Variants in LTBP1 observed in about 807,000 individuals in gnomAD.
LTBP1 encodes latent transforming growth factor beta binding protein 1.
LTBP1 carries 129 observed loss-of-function variants against 207.6 expected under a neutral mutation model. The observed-to-expected ratio is 0.62, with a 90% CI of 0.54 to 0.72. LTBP1 has a LOEUF of 0.72. Ranked by LOEUF, LTBP1 falls within the 30% of genes least tolerant of loss-of-function variation. LTBP1 has a pLI of 0.00. For missense variants in LTBP1, 2,281 were observed against 2,217.2 expected (o/e 1.03, Z -0.58); for synonymous variants, 963 against 833.7 (o/e 1.16, Z -2.67).
intron 20 of LTBP1, among the ~76,000 whole-genome samples, chr2:33,296,948 G>A (rs2093888689): frequency 1.3e-5 from 2 of 152,126 alleles, no homozygotes; most frequent in Admixed American, 6.5e-5. Context: ...TAAAGCAGGG[G>A]CAGAGCATGA....
chr2:33,154,091 T>A (rs537434611), intron 5 of LTBP1, among the ~76,000 whole-genome samples: 17 of 152,344 alleles, frequency 1.1e-4, no homozygotes, highest in African/African-American at 4.1e-4. Flanking sequence ...TGCCTGTACC[T>A]TTGTCAAGAA....
intron 7 of LTBP1, among the ~76,000 whole-genome samples, chr2:33,203,759 A>T (rs1248746134): frequency 6.6e-6 from 1 of 152,214 alleles, no homozygotes; most frequent in African/African-American, 2.4e-5. Flanking sequence ...CCTACATAGG[A>T]ATAAGCATTG....
At chr2:33,364,426 G>A in intron 30 of LTBP1, 70 bp downstream of exon 30, 1 of 1,449,288 alleles carries the variant, frequency 6.9e-7, no homozygotes, top group Non-Finnish European at 9.3e-7. Context: ...ACTAAAATGT[G>A]AACTATTGGA....
intron 18 of LTBP1, among the ~76,000 whole-genome samples, chr2:33,278,878 A>C (rs574476641): frequency 6.6e-6 from 1 of 152,338 alleles, no homozygotes; most frequent in South Asian, 2.1e-4. Context: ...ATAGAAAAAA[A>C]ATTACAACAC....
intron 5 of LTBP1, among the ~76,000 whole-genome samples, chr2:33,168,975 G>T (rs910743232): frequency 5.9e-5 from 9 of 152,306 alleles, no homozygotes; most frequent in African/African-American, 2.2e-4. Flanking sequence ...AGAAAATAGA[G>T]GCCTTGGCTG....
At chr2:33,004,522 C>T (rs1004973829) in intron 2 of LTBP1, among the ~76,000 whole-genome samples, 15 of 151,444 alleles carry the variant, frequency 9.9e-5, no homozygotes, top group East Asian at 1.9e-4. Flanking sequence ...TGGTCGGGTG[C>T]GGTGGCTCAC....
Position 33,183,934 on chromosome 2 carries a change from G to A in LTBP1, c.1202-2922G>A, listed in dbSNP as rs540020372. On this transcript the variant is annotated intron_variant, in intron 5 of 33. Coordinates refer to ENST00000404816, the MANE Select transcript of LTBP1 (RefSeq NM_206943.4). ...ATCTGCAGCCTACGCCCTGAAGAAA[G>A]TTTCTGGGTTGTCACCTTTGTAATT... is the stretch of plus-strand genomic sequence containing the variant. 3.3e-5 allele frequency among the ~76,000 whole-genome samples: 5 copies of A among 152,226 alleles called. No homozygotes were observed. In the South Asian group the frequency reaches 1.0e-3, roughly 32 times the overall value.
At chr2:33,072,846 A>G (rs185342796) in intron 3 of LTBP1, among the ~76,000 whole-genome samples, 2 of 152,204 alleles carry the variant, frequency 1.3e-5, no homozygotes, top group Non-Finnish European at 2.9e-5. Context: ...ACTTCAGCCT[A>G]TGTTATTTCC....
At chr2:32,950,175 C>T (rs1676883157) in intron 2 of LTBP1, among the ~76,000 whole-genome samples, 1 of 152,182 alleles carries the variant, frequency 6.6e-6, no homozygotes, top group Non-Finnish European at 1.5e-5. Flanking sequence ...TGTCCAAAAC[C>T]TGCTATGATA....
chr2:33,309,023 CTG>C (rs1438474357), intron 22 of LTBP1, among the ~76,000 whole-genome samples: 1 of 152,076 alleles, frequency 6.6e-6, no homozygotes, highest in East Asian at 1.9e-4. Context: ...TGGCTCATGT[CTG>C]TAATCTCAAC....
chr2:33,273,152 T>C (rs1400624236), intron 15 of LTBP1, among the ~76,000 whole-genome samples: 2 of 152,080 alleles, frequency 1.3e-5, no homozygotes, highest in South Asian at 4.1e-4. Context: ...TGGGAGGTCT[T>C]TGGGGGGATT....
chr2:32,947,643 G>A lies in LTBP1; in HGVS notation c.319G>A (p.Glu107Lys), dbSNP rs1443383736. 6 of 1,386,516 alleles carry A rather than the reference G, an allele frequency of 4.3e-6. No homozygotes were observed. Among genetic ancestry groups the A allele is most frequent in the Non-Finnish European group, 5.6e-6 (6 of 1,069,150 alleles). 85.9% of individuals were successfully genotyped at this position (1,386,516 alleles called of 1,614,324 possible). Residue 107 changes from glutamate to lysine, a missense_variant, in exon 1 of 34, where the codon GAG (glutamate) becomes AAG (lysine). Physicochemically the swap from Glu to Lys is moderately conservative, Grantham distance 56. Coordinates refer to ENST00000404816, the MANE Select transcript of LTBP1 (RefSeq NM_206943.4). ...CAGACCGCCGCCGCCGCCGCCGCCG[G>A]AGCCTGCGCGTCCCGCGGTCCCCGG... ...GLRPPPPPPPEPARPAVPGGQ... is the reference protein window; with the variant it reads ...GLRPPPPPPPKPARPAVPGGQ...
intron 5 of LTBP1, among the ~76,000 whole-genome samples, chr2:33,169,004 G>A (rs930992870): frequency 6.6e-6 from 1 of 152,224 alleles, no homozygotes; most frequent in Admixed American, 6.5e-5. Flanking sequence ...GAGTTAGGGG[G>A]GAGCCATGGG....
chr2:33,311,117 A>G (rs998489046), intron 23 of LTBP1, among the ~76,000 whole-genome samples: 1 of 151,772 alleles, frequency 6.6e-6, no homozygotes, highest in African/African-American at 2.4e-5. Context: ...GATGGTATCT[A>G]CTCTCTAAGA....
At chr2:32,952,382 A>C (rs1252218018) in intron 2 of LTBP1, among the ~76,000 whole-genome samples, 2 of 152,212 alleles carry the variant, frequency 1.3e-5, no homozygotes, top group Non-Finnish European at 2.9e-5. Flanking sequence ...TTGCATGTTA[A>C]TGTTCCTTTT....
intron 5 of LTBP1, among the ~76,000 whole-genome samples, chr2:33,160,838 G>C (rs2084400931): frequency 6.6e-6 from 1 of 152,150 alleles, no homozygotes; most frequent in East Asian, 1.9e-4. Flanking sequence ...TGACATCTAG[G>C]CCCAGCAAGA....
intron 7 of LTBP1, among the ~76,000 whole-genome samples, chr2:33,205,797 G>C (rs917198364): frequency 3.3e-5 from 5 of 152,144 alleles, no homozygotes; most frequent in African/African-American, 1.2e-4. Flanking sequence ...AGATAACTAA[G>C]GTTAAGTGAG....
intron 18 of LTBP1, among the ~76,000 whole-genome samples, chr2:33,276,523 G>A (rs115931074): frequency 6.8e-4 from 103 of 152,254 alleles, no homozygotes; most frequent in Non-Finnish European, 1.2e-3. Flanking sequence ...TTCTTTTCAC[G>A]TTTGTGTCCA....
intron 5 of LTBP1, among the ~76,000 whole-genome samples, chr2:33,173,606 A>G (rs1249909046): frequency 7.1e-6 from 1 of 140,732 alleles, no homozygotes; most frequent in African/African-American, 2.6e-5. Flanking sequence ...TTCCTTCTGA[A>G]ACTATTCCAA....
Sources: allele counts gnomAD v4.1 joint callset (sites outside exome capture counted in the v4.1 genomes callset), GRCh38; gene constraint gnomAD v4.1.1; transcripts MANE v1.5; gene names NCBI Gene and HGNC (gene_info 2026-07-23, HGNC 2026-07-21).